RFPL2: variants seen among roughly 807,000 people sequenced by gnomAD.
RFPL2 encodes ret finger protein like 2.
RFPL2 carries 13 observed loss-of-function variants against 17.8 expected under a neutral mutation model. That is an observed-to-expected ratio of 0.73 (90% confidence interval 0.47 to 1.16). RFPL2 has a LOEUF of 1.16. RFPL2 is among the 50% of genes most tolerant of loss of function. The probability of loss-of-function intolerance (pLI) is 0.00; values close to 1 mark genes in which losing one functional copy is unlikely to be tolerated. For missense variants in RFPL2, 431 were observed against 479.3 expected, an observed-to-expected ratio of 0.90 and a Z score of 0.94; for synonymous variants, 189 against 180.9, an observed-to-expected ratio of 1.04 and a Z score of -0.36.
chr22:32,196,676 TA>T (rs1923371319), intron 2 of RFPL2, among the ~76,000 whole-genome samples: 1 of 152,104 alleles, frequency 6.6e-6, no homozygotes, highest in African/African-American at 2.4e-5. Flanking sequence ...GAGAATGACT[TA>T]TGAAAAGAAC....
intron 2 of RFPL2, among the ~76,000 whole-genome samples, chr22:32,196,679 G>C (rs1222720129): frequency 6.6e-6 from 1 of 152,164 alleles, no homozygotes; most frequent in Non-Finnish European, 1.5e-5. Flanking sequence ...AATGACTTAT[G>C]AAAAGAACCA....
intron 2 of RFPL2, among the ~76,000 whole-genome samples, chr22:32,194,942 A>G (rs1283474322): frequency 6.6e-6 from 1 of 152,210 alleles, no homozygotes; most frequent in Non-Finnish European, 1.5e-5. Flanking sequence ...ACAAATGACC[A>G]TTAAGCTTCT....
At chr22:32,197,996 C>T (rs1397110757) in intron 2 of RFPL2, among the ~76,000 whole-genome samples, 1 of 152,100 alleles carries the variant, frequency 6.6e-6, no homozygotes, top group Non-Finnish European at 1.5e-5. Flanking sequence ...CTGGCAAGAC[C>T]CATCCCAAAC....
At position 32,190,888 on chromosome 22, in the gene RFPL2, G is replaced by T. The variant is rs136468; in HGVS notation, c.1021C>A (p.Arg341Ser). 8 of 1,581,952 alleles carry T rather than the reference G, an allele frequency of 5.1e-6. No individual in the cohort carries two copies. The East Asian group carries it at 1.6e-4, about 31-fold the overall frequency. ...GGAACTGAAGGAGCCAAAAATGGGC[G>T]CAATGGCTCCTCAGCAGATACGCTC... ...FRSVSAEEPL[R>S]PFLAPSVPPN... Residue 341 changes from arginine (R) to serine (S), a missense_variant, in exon 5 of 5, where the codon CGC becomes AGC. Arg to Ser is a moderately radical substitution (Grantham distance 110). Transcript: ENST00000652607.
rs957421922 is a variant in RFPL2 at position 32,190,644 on chromosome 22, A to G, written c.*128T>C. 5 of 932,118 alleles carry G rather than the reference A, an allele frequency of 5.4e-6. No individual in the cohort carries two copies. The highest frequency in any genetic ancestry group is 5.0e-5 in the African/African-American group (3 of 59,854). 57.7% of individuals were successfully genotyped at this position (932,118 alleles called of 1,614,324 possible). On this transcript the variant is annotated 3_prime_UTR_variant, in exon 5 of 5. Coordinates refer to ENST00000652607, the MANE Select transcript of RFPL2 (RefSeq NM_001394555.1). ...ATAATCTAATCAAATTAGATTAAGTACAATCAAGAAATGTCCCATATTTTT... is the reference window on the plus strand; with the variant it reads ...ATAATCTAATCAAATTAGATTAAGTGCAATCAAGAAATGTCCCATATTTTT...
rs927556650 is a variant in RFPL2, at chr22:32,199,632, C to T, written c.119+2701G>A. On this transcript the variant is annotated intron_variant, in intron 2 of 4. Coordinates refer to ENST00000652607, the MANE Select transcript of RFPL2 (RefSeq NM_001394555.1). ...AGAGCCGGACTGCGTCAGGATGATG[C>T]GTGGCAGGCAGCGGCAGGCGGTTGA... Among the ~76,000 whole-genome samples the T allele has an allele frequency of 5.9e-5, 9 of 152,280 alleles. No individual in the cohort carries two copies. In the South Asian group the frequency reaches 6.2e-4, roughly 11 times the overall value.
rs780047316 is a variant in RFPL2, at chr22:32,193,179, T to C, written c.279A>G (p.Ala93=). Residue 93 remains alanine, a synonymous_variant, in exon 4 of 5, where the codon GCA becomes GCG. Coordinates refer to ENST00000652607, the MANE Select transcript of RFPL2 (RefSeq NM_001394555.1). ...GASSRRVDMA[A]LFQEASSCPV... is the part of the protein sequence containing the mutation. ...GACAGCTGCTTGCTTCTTGGAAGAG[T>C]GCAGCCATGTCCACTGCCAGGGGAA... is the stretch of plus-strand genomic sequence containing the variant. 4 of 1,613,678 alleles carry C rather than the reference T, an allele frequency of 2.5e-6. No homozygotes were observed. Among genetic ancestry groups the C allele is most frequent in the Admixed American group, 3.3e-5 (2 of 59,986 alleles).
rs3986036 is a variant in RFPL2 at position 32,194,418 on chromosome 22, C to T, written c.192G>A (p.Ser64=). The change falls in exon 3 of 5, where the codon TCG becomes TCA. Residue 64 remains serine, a synonymous_variant. Transcript: ENST00000652607. ...GGGNLTNKRP[S]CAPSPQDLSA... is the part of the protein sequence containing the mutation. ...TCAGGTCTTGTGGGGAAGGGGCACA[C>T]GAGGGCCTTTTATTGGTGAGATTCC... The T allele has an allele frequency of 8.7e-6, 14 of 1,611,194 alleles. No homozygotes were observed. In the Middle Eastern group the frequency reaches 5.1e-4, roughly 59 times the overall value.
At chr22:32,203,224 C>T (rs1306600894) in intron 1 of RFPL2, 1 of 381,566 alleles carries the variant, frequency 2.6e-6, no homozygotes, top group Non-Finnish European at 3.6e-6. Flanking sequence ...ACTCCCCAAA[C>T]CCGCTCTGTG....
At chr22:32,196,442 G>A (rs577485421) in intron 2 of RFPL2, among the ~76,000 whole-genome samples, 3 of 152,210 alleles carry the variant, frequency 2.0e-5, no homozygotes, top group Non-Finnish European at 4.4e-5. Context: ...TTCAGTGTCT[G>A]AGCAAGAAAA....
At position 32,190,789 on chromosome 22, in the gene RFPL2, G is replaced by C; in HGVS notation, c.1120C>G (p.Pro374Ala). 15 of 1,528,796 alleles carry C rather than the reference G, an allele frequency of 9.8e-6. No individual in the cohort carries two copies. Among genetic ancestry groups the C allele is most frequent in the Non-Finnish European group, 1.2e-5 (14 of 1,138,456 alleles). The allele number at this position is 1,528,796 out of a possible 1,614,324, so 94.7% of individuals were successfully genotyped here. ...GTGAGGGCTTATTTGGCCTCCCCAGGACGGACTGGAGCATCAGTAGTGCCT... is the reference window on the plus strand; with the variant it reads ...GTGAGGGCTTATTTGGCCTCCCCAGCACGGACTGGAGCATCAGTAGTGCCT... ...NSGTTDAPVR[P>A]GEAK The change falls in exon 5 of 5, where the codon CCT (proline) becomes GCT (alanine). Residue 374 changes from proline (P) to alanine (A), a missense_variant. By Grantham distance (27) the Pro-to-Ala change is conservative (BLOSUM62 -1). Transcript: ENST00000652607.
At chr22:32,200,051 C>G in intron 2 of RFPL2, 1 of 455,824 alleles carries the variant, frequency 2.2e-6, no homozygotes, top group East Asian at 6.1e-5. Flanking sequence ...GGAAGGCAAA[C>G]AGCACCCCTG....
intron 2 of RFPL2, among the ~76,000 whole-genome samples, chr22:32,200,480 A>G (rs1486421282): frequency 6.6e-6 from 1 of 152,102 alleles, no homozygotes. Flanking sequence ...ATAGTAGCCC[A>G]GGGGGAGAGG....
chr22:32,197,021 A>G (rs1923405568), intron 2 of RFPL2, among the ~76,000 whole-genome samples: 1 of 152,220 alleles, frequency 6.6e-6, no homozygotes, highest in Admixed American at 6.5e-5. Flanking sequence ...AAAAGTTTCT[A>G]GCATTGGGCA....
chr22:32,202,665 T>A, intron 1 of RFPL2, 115 bp from the exon 2 acceptor site: 1 of 1,373,622 alleles, frequency 7.3e-7, no homozygotes, highest in Non-Finnish European at 9.4e-7. Context: ...GTCCAGCCTC[T>A]CCTTTTAGCG....
At chr22:32,197,368 C>CA (rs1317987618) in intron 2 of RFPL2, among the ~76,000 whole-genome samples, 1 of 152,148 alleles carries the variant, frequency 6.6e-6, no homozygotes, top group African/African-American at 2.4e-5. Flanking sequence ...TCCTCACACC[C>CA]ACAGTCCAGA....
rs1922954752 is a variant in RFPL2 at position 32,193,557 on chromosome 22, A to G, written c.266-365T>C. 4.0e-6 allele frequency: 5 copies of G among 1,245,476 alleles called. No homozygotes were observed. The African/African-American group carries it at 6.1e-5, about 15-fold the overall frequency. 77.2% of individuals were successfully genotyped at this position (1,245,476 alleles called of 1,614,324 possible). A position where few individuals can be genotyped will look rare whatever the true frequency, so the allele number is the denominator to read the frequency against. ...AACCCCAGCAAGAGACTGATTGATG[A>G]ACATAAGAATTAGGGGCTGGGAGGC... On this transcript the variant is annotated intron_variant, in intron 3 of 4. Coordinates refer to ENST00000652607, the MANE Select transcript of RFPL2 (RefSeq NM_001394555.1).
rs762656532 is a variant in RFPL2, at chr22:32,194,414, C to T, written c.196G>A (p.Ala66Thr). ...GCGCTCAGGTCTTGTGGGGAAGGGG[C>T]ACACGAGGGCCTTTTATTGGTGAGA... ...GNLTNKRPSC[A>T]PSPQDLSAQW... The change falls in exon 3 of 5, where the codon GCC becomes ACC. Residue 66 changes from alanine (A) to threonine (T), a missense_variant. Coordinates refer to ENST00000652607, the MANE Select transcript of RFPL2 (RefSeq NM_001394555.1). 5.0e-6 allele frequency: 8 copies of T among 1,610,314 alleles called. No homozygotes were observed. The highest frequency in any genetic ancestry group is 6.8e-6 in the Non-Finnish European group (8 of 1,179,118).
intron 1 of RFPL2, among the ~76,000 whole-genome samples, chr22:32,203,760 C>A (rs1317858742): frequency 6.6e-6 from 1 of 151,228 alleles, no homozygotes; most frequent in African/African-American, 2.4e-5. Context: ...CGCCCCCAAT[C>A]CTTGCCCCTC....
Sources: allele counts gnomAD v4.1 joint callset (sites outside exome capture counted in the v4.1 genomes callset), GRCh38; gene constraint gnomAD v4.1.1; transcripts MANE v1.5; gene names NCBI Gene and HGNC (gene_info 2026-07-23, HGNC 2026-07-21).